Variants in VWA5B2 observed in about 807,000 individuals in gnomAD.
The protein encoded by VWA5B2 is von Willebrand factor A domain containing 5B2, also known as von Willebrand factor A domain-containing protein 5B2.
Under a neutral mutation model 118.5 loss-of-function variants are expected in VWA5B2, and 93 were observed. The ratio of observed to expected loss-of-function variants is 0.79; its 90% CI spans 0.66 to 0.93. The LOEUF is 0.93. Among genes scored for constraint, VWA5B2 ranks in the 40% least tolerant of loss-of-function variants. The probability of loss-of-function intolerance (pLI) is 0.00; values close to 1 mark genes in which losing one functional copy is unlikely to be tolerated. For missense variants in VWA5B2, 1,546 were observed against 1,672.8 expected, an observed-to-expected ratio of 0.92 and a Z score of 1.32; for synonymous variants, 708 against 716.3, an observed-to-expected ratio of 0.99 and a Z score of 0.19.
rs1290708063 is a variant in VWA5B2 at position 184,235,135 on chromosome 3, T to A, written c.946-18T>A. The A allele has an allele frequency of 1.3e-6, 2 of 1,548,934 alleles. No individual in the cohort carries two copies. The highest frequency in any genetic ancestry group is 2.4e-5 in the East Asian group (1 of 40,834). On this transcript the variant is annotated intron_variant, in intron 7 of 19. Coordinates refer to ENST00000691901, the MANE Select transcript of VWA5B2 (RefSeq NM_001390846.1). Reference sequence around the variant, plus strand: ...GCACTAAGCCTTGCCCAGGCTGACTTGGGACTCCCCCGCTCAGGTGTGGTT... The same window carrying A: ...GCACTAAGCCTTGCCCAGGCTGACTAGGGACTCCCCCGCTCAGGTGTGGTT...
At position 184,239,606 on chromosome 3, in the gene VWA5B2, G is replaced by T. The variant is rs1471284865; in HGVS notation, c.2392+23G>T. Reference sequence around the variant, plus strand: ...CAGGTAAGTGTTGGATGGGGAGCTGGTTTCCCTGACACCAAAGAGGCCTTG... The same window carrying T: ...CAGGTAAGTGTTGGATGGGGAGCTGTTTTCCCTGACACCAAAGAGGCCTTG... On this transcript the variant is annotated intron_variant, in intron 15 of 19. Transcript: ENST00000691901. The surrounding 1 kb of genome is among the most constrained non-coding windows in gnomAD (Gnocchi z 5.1). 7 of 1,492,758 alleles carry T rather than the reference G, an allele frequency of 4.7e-6. No homozygotes were observed. In the Admixed American group the frequency reaches 1.3e-4, roughly 28 times the overall value. The allele number at this position is 1,492,758 out of a possible 1,614,324, so 92.5% of individuals were successfully genotyped here.
Position 184,237,444 on chromosome 3 carries a change from A to T in VWA5B2, c.1719+33A>T. The T allele has an allele frequency of 6.6e-7, 1 of 1,517,756 alleles. No homozygotes were observed. Among genetic ancestry groups the T allele is most frequent in the Non-Finnish European group, 8.9e-7 (1 of 1,122,744 alleles). The allele number at this position is 1,517,756 out of a possible 1,614,324, so 94.0% of individuals were successfully genotyped here. ...TGGGCTGGGGTGTGGTAGGGGGGCT[A>T]GGGTGAGGTAGGGGGGCCTGGGATG... On this transcript the variant is annotated intron_variant, in intron 12 of 19. Transcript: ENST00000691901. This position sits in a 1 kb window ranked among gnomAD's most constrained non-coding sequence, Gnocchi z 5.6.
In VWA5B2 at chr3:184,237,432, G is replaced by C; in HGVS notation, c.1719+21G>C. 5 of 1,539,454 alleles carry C rather than the reference G, an allele frequency of 3.2e-6. No individual in the cohort carries two copies. Among genetic ancestry groups the C allele is most frequent in the Non-Finnish European group, 2.6e-6 (3 of 1,138,518 alleles). ...CAGGGGTAAGCTTGGGCTGGGGTGT[G>C]GTAGGGGGGCTAGGGTGAGGTAGGG... On this transcript the variant is annotated intron_variant, in intron 12 of 19. Coordinates refer to ENST00000691901, the MANE Select transcript of VWA5B2 (RefSeq NM_001390846.1). This position sits in a 1 kb window ranked among gnomAD's most constrained non-coding sequence, Gnocchi z 5.6.
At chr3:184,230,220 G>A (rs936527865) in intron 1 of VWA5B2, among the ~76,000 whole-genome samples, 160 bp from the exon 2 acceptor site, 5 of 152,142 alleles carry the variant, frequency 3.3e-5, no homozygotes, top group African/African-American at 1.2e-4. Flanking sequence ...AGCTGTGACC[G>A]CCCCCACCCC....
In VWA5B2 at chr3:184,241,151, G is replaced by C. The variant is rs1718575902; in HGVS notation, c.2963-36G>C. Reference sequence around the variant, plus strand: ...GAAAGGGTAGGGGCACTTGGGCTTAGAGACCGCCCCCTGGCACTGATGATC... The same window carrying C: ...GAAAGGGTAGGGGCACTTGGGCTTACAGACCGCCCCCTGGCACTGATGATC... On this transcript the variant is annotated intron_variant, in intron 18 of 19. Coordinates refer to ENST00000691901, the MANE Select transcript of VWA5B2 (RefSeq NM_001390846.1). This position sits in a 1 kb window ranked among gnomAD's most constrained non-coding sequence, Gnocchi z 5.1. 1 of 1,551,374 alleles carries C rather than the reference G, an allele frequency of 6.4e-7. No homozygotes were observed. Among genetic ancestry groups the C allele is most frequent in the Admixed American group, 2.0e-5 (1 of 50,966 alleles).
Position 184,238,491 on chromosome 3 carries a change from A to G in VWA5B2, c.1891+17A>G, listed in dbSNP as rs1196452659. On this transcript the variant is annotated intron_variant, in intron 13 of 19. Coordinates refer to ENST00000691901, the MANE Select transcript of VWA5B2 (RefSeq NM_001390846.1). The surrounding 1 kb of genome is among the most constrained non-coding windows in gnomAD (Gnocchi z 5.0). ...CGGAGCAGAGTGAGTGCCCAGGTGTATGTGTGTGGCTGTATTGGAGTGGGC... is the reference window on the plus strand; with the variant it reads ...CGGAGCAGAGTGAGTGCCCAGGTGTGTGTGTGTGGCTGTATTGGAGTGGGC... 6.5e-7 allele frequency: 1 copy of G among 1,540,184 alleles called. No homozygotes were observed. The highest frequency in any genetic ancestry group is 8.8e-7 in the Non-Finnish European group (1 of 1,138,328).
chr3:184,236,454 T>C lies in VWA5B2; in HGVS notation c.1324T>C (p.Tyr442His). 6.5e-7 allele frequency: 1 copy of C among 1,546,810 alleles called. No homozygotes were observed. Among genetic ancestry groups the C allele is most frequent in the Non-Finnish European group, 8.7e-7 (1 of 1,146,950 alleles). ...CGTGGGGCAGCCCCAGCACAGGGCC[T>C]ACCCTCGGCAGCTGTTCCTGCTCAC... ...WAVGQPQHRAYPRQLFLLTAA... is the reference protein window; with the variant it reads ...WAVGQPQHRAHPRQLFLLTAA... The change falls in exon 10 of 20, where the codon TAC (tyrosine) becomes CAC (histidine). Residue 442 changes from tyrosine to histidine, a missense_variant. Coordinates refer to ENST00000691901, the MANE Select transcript of VWA5B2 (RefSeq NM_001390846.1).
At chr3:184,235,545 G>T (rs1429325397) in intron 8 of VWA5B2, among the ~76,000 whole-genome samples, 1 of 152,178 alleles carries the variant, frequency 6.6e-6, no homozygotes, top group African/African-American at 2.4e-5. Flanking sequence ...ATCTCTCCAG[G>T]ATTCCAAGAG....
chr3:184,242,200 C>A lies in VWA5B2; in HGVS notation c.*162C>A. On this transcript the variant is annotated 3_prime_UTR_variant, in exon 20 of 20. Coordinates refer to ENST00000691901, the MANE Select transcript of VWA5B2 (RefSeq NM_001390846.1). The stretch of plus-strand genomic sequence containing the variant: ...AGCCCTCTTGCCCCCACAAAAAGTG[C>A]CTGCCTGTGCTCTCTCCCTCTCCTC... The A allele has an allele frequency of 1.1e-6, 1 of 915,272 alleles. No homozygotes were observed. Among genetic ancestry groups the A allele is most frequent in the Non-Finnish European group, 1.6e-6 (1 of 610,468 alleles). The allele number at this position is 915,272 out of a possible 1,614,324, so 56.7% of individuals were successfully genotyped here.
chr3:184,241,467 C>G lies in VWA5B2; in HGVS notation c.3181-23C>G. 1.3e-6 allele frequency: 2 copies of G among 1,551,370 alleles called. No homozygotes were observed. Among genetic ancestry groups the G allele is most frequent in the Non-Finnish European group, 1.7e-6 (2 of 1,145,878 alleles). On this transcript the variant is annotated intron_variant, in intron 19 of 19. Coordinates refer to ENST00000691901, the MANE Select transcript of VWA5B2 (RefSeq NM_001390846.1). This position sits in a 1 kb window ranked among gnomAD's most constrained non-coding sequence, Gnocchi z 5.1. ...CCGGGCGCTGTTTCAGCTCGCTTCT[C>G]CCCCCACCTCCTCTCTCCTCAGGTG...
chr3:184,230,647 C>G lies in VWA5B2; in HGVS notation c.119C>G (p.Pro40Arg). The G allele has an allele frequency of 7.5e-7, 1 of 1,330,720 alleles. No homozygotes were observed. The highest frequency in any genetic ancestry group is 9.6e-7 in the Non-Finnish European group (1 of 1,043,768). 82.4% of individuals were successfully genotyped at this position (1,330,720 alleles called of 1,614,324 possible). ...SVRARLTYRN[P>R]QPQPVDGVFV... ...CGGGCCCGGCTCACCTACCGCAACC[C>G]GCAGCCGCAGCCGGTGGACGGTGAG... is the stretch of plus-strand genomic sequence containing the variant. Residue 40 changes from proline to arginine, a missense_variant, in exon 2 of 20, where the codon CCG becomes CGG. By Grantham distance (103) the Pro-to-Arg change is moderately radical. This residue lies in a region of VWA5B2 where 775 missense variants were observed against 882.3 expected (regional missense o/e 0.88). Transcript: ENST00000691901.
In VWA5B2 at chr3:184,233,364, G is replaced by C. The variant is rs1055106169; in HGVS notation, c.497G>C (p.Gly166Ala). The change falls in exon 4 of 20, where the codon GGG becomes GCG. Residue 166 changes from glycine to alanine, a missense_variant. Transcript: ENST00000691901. This position sits in a 1 kb window ranked among gnomAD's most constrained non-coding sequence, Gnocchi z 5.2. ...LTPLAPPGPP[G>A]PPRPPGLCDD... Reference sequence around the variant, plus strand: ...CCGCTGGCCCCGCCAGGCCCGCCGGGGCCCCCCAGGCCTCCGGGGCTCTGT... The same window carrying C: ...CCGCTGGCCCCGCCAGGCCCGCCGGCGCCCCCCAGGCCTCCGGGGCTCTGT... 8 of 1,539,704 alleles carry C rather than the reference G, an allele frequency of 5.2e-6. No individual in the cohort carries two copies. The Admixed American group carries it at 1.4e-4, about 28-fold the overall frequency.
rs1388675860 is a variant in VWA5B2, at chr3:184,242,032, C to T, written c.3723C>T (p.Asn1241=). 1 of 1,549,172 alleles carries T rather than the reference C, an allele frequency of 6.5e-7. No homozygotes were observed. Among genetic ancestry groups the T allele is most frequent in the African/African-American group, 1.4e-5 (1 of 73,052 alleles). Residue 1241 remains asparagine (N), a synonymous_variant, in exon 20 of 20, where the codon AAC becomes AAT. Coordinates refer to ENST00000691901, the MANE Select transcript of VWA5B2 (RefSeq NM_001390846.1). ...QLHLLCYSPA[N]V ...ACCTGCTGTGCTACAGCCCAGCGAA[C>T]GTGTGAAGGCTGCCCCCTGCTGCTT...
In VWA5B2 at chr3:184,234,717, C is replaced by T. The variant is rs1198785608; in HGVS notation, c.907C>T (p.Gln303Ter). 1.3e-6 allele frequency: 2 copies of T among 1,551,492 alleles called. No individual in the cohort carries two copies. The highest frequency in any genetic ancestry group is 2.0e-5 in the Admixed American group (1 of 51,004). Reference protein sequence around the residue: ...EARVRARRDFQRLQRRDSDGD... With the variant: ...EARVRARRDF ...CCGGGTGAGGGCCCGCCGAGATTTT[C>T]AGAGGCTACAGCGAAGGGACAGTGA... is the stretch of plus-strand genomic sequence containing the variant. Residue 303 changes from glutamine (Q) to a stop codon, truncating the protein, a stop_gained, in exon 7 of 20, where the codon CAG (glutamine) becomes TAG (stop). Transcript: ENST00000691901. LOFTEE classifies it high-confidence loss of function.
Position 184,237,058 on chromosome 3 carries a change from C to A in VWA5B2, c.1534-168C>A, listed in dbSNP as rs1718075405. Among the ~76,000 whole-genome samples the A allele has an allele frequency of 6.6e-6, 1 of 152,126 alleles. No individual in the cohort carries two copies. The highest frequency in any genetic ancestry group is 6.5e-5 in the Admixed American group (1 of 15,272). The stretch of plus-strand genomic sequence containing the variant: ...AATCCTGAGGGCTGAGCACTCAGCC[C>A]CCTGCTTGCTCCTACCCTCATTCCT... On this transcript the variant is annotated intron_variant, in intron 11 of 19. Coordinates refer to ENST00000691901, the MANE Select transcript of VWA5B2 (RefSeq NM_001390846.1). The surrounding 1 kb of genome is among the most constrained non-coding windows in gnomAD (Gnocchi z 5.6).
At chr3:184,230,024 AC>A (rs916689852) in intron 1 of VWA5B2, among the ~76,000 whole-genome samples, 3 of 151,872 alleles carry the variant, frequency 2.0e-5, no homozygotes, top group African/African-American at 7.3e-5. Context: ...CGCCCCATCC[AC>A]CCTGCCCCCG....
Position 184,241,412 on chromosome 3 carries a change from C to A in VWA5B2, c.3180+8C>A. 1.3e-6 allele frequency: 2 copies of A among 1,578,106 alleles called. No homozygotes were observed. Among genetic ancestry groups the A allele is most frequent in the East Asian group, 2.3e-5 (1 of 42,940 alleles). On this transcript the variant is annotated splice_region_variant and intron_variant, in intron 19 of 19. Coordinates refer to ENST00000691901, the MANE Select transcript of VWA5B2 (RefSeq NM_001390846.1). This position sits in a 1 kb window ranked among gnomAD's most constrained non-coding sequence, Gnocchi z 5.1. Reference sequence around the variant, plus strand: ...CATGACTACCTGCCCTTGGTGAGGACTCGGGAGGTGGAGGGTGGTGCCGCC... The same window carrying A: ...CATGACTACCTGCCCTTGGTGAGGAATCGGGAGGTGGAGGGTGGTGCCGCC...
Position 184,235,210 on chromosome 3 carries a change from C to T in VWA5B2, c.1003C>T (p.Leu335=). Residue 335 remains leucine (L), a synonymous_variant, in exon 8 of 20, where the codon CTG becomes TTG. Transcript: ENST00000691901. ...CATCCTGCTGAACCCCGTGCTGGCGCTGAGCTTCTGCCCAGACCTGAGCTC... is the reference window on the plus strand; with the variant it reads ...CATCCTGCTGAACCCCGTGCTGGCGTTGAGCTTCTGCCCAGACCTGAGCTC... ...KDILLNPVLA[L]SFCPDLSSKP... 3.9e-6 allele frequency: 6 copies of T among 1,551,720 alleles called. No homozygotes were observed. Among genetic ancestry groups the T allele is most frequent in the Non-Finnish European group, 5.2e-6 (6 of 1,146,990 alleles).
In VWA5B2 at chr3:184,235,096, C is replaced by G. The variant is rs945253759; in HGVS notation, c.946-57C>G. On this transcript the variant is annotated intron_variant, in intron 7 of 19. Transcript: ENST00000691901. ...GCCCCAGAGCCAGTCCCACTGCCCACCCTCAACAAAGTAGCACTAAGCCTT... is the reference window on the plus strand; with the variant it reads ...GCCCCAGAGCCAGTCCCACTGCCCAGCCTCAACAAAGTAGCACTAAGCCTT... 6.6e-6 allele frequency: 10 copies of G among 1,525,266 alleles called. No homozygotes were observed. The African/African-American group carries it at 1.4e-4, about 21-fold the overall frequency. 94.5% of individuals were successfully genotyped at this position (1,525,266 alleles called of 1,614,324 possible). A position where few individuals can be genotyped will look rare whatever the true frequency, so the allele number is the denominator to read the frequency against.
Sources: gnomAD v4.1 joint callset for allele counts (sites outside exome capture counted in the v4.1 genomes callset) on GRCh38, gnomAD v4.1.1 for gene constraint, gnomAD v4.1.1 regional missense constraint, Gnocchi (gnomAD v3.1) non-coding constraint, MANE v1.5 for transcripts, NCBI Gene and HGNC (gene_info 2026-07-23, HGNC 2026-07-21) for gene names.